The following BSDC1 variants were observed in gnomAD, a reference collection of about 807,000 sequenced individuals.
BSDC1 encodes the protein BSD domain-containing protein 1.
In BSDC1, 29 loss-of-function variants were observed where a neutral mutation model predicts 56.0. The observed-to-expected ratio is 0.52, with a 90% CI of 0.39 to 0.71. BSDC1 has a LOEUF of 0.71. BSDC1 is among the 30% of genes least tolerant of loss of function. BSDC1 has a pLI of 0.00. For synonymous variants in BSDC1, 210 were observed against 215.3 expected (o/e 0.98, Z 0.21); for missense variants, 477 against 548.5 (o/e 0.87, Z 1.30).
At chr1:32,386,983 C>T in intron 2 of BSDC1, 88 bp from the exon 3 acceptor site, 1 of 999,370 alleles carries the variant, frequency 1.0e-6, no homozygotes, top group Non-Finnish European at 1.5e-6. Flanking sequence ...ACCAGACAGA[C>T]AAATGGAAAT....
chr1:32,389,784 CCACACACA>C (rs58560406), intron 2 of BSDC1, among the ~76,000 whole-genome samples: 2,053 of 146,082 alleles, frequency 0.014, 47 homozygotes, highest in African/African-American at 0.048. Flanking sequence ...AAAACCGTCT[CCACACACA>C]CACACACACA....
At position 32,394,212 on chromosome 1, in the gene BSDC1, C is replaced by G. The variant is rs999139039; in HGVS notation, c.12-72G>C. On this transcript the variant is annotated intron_variant, in intron 1 of 10. Transcript: ENST00000455895. ...CCGCCCAAGGATCCGGTTTGTTCCC[C>G]GCTCAGATGTACCCTGCGGGCCGAG... The G allele has an allele frequency of 4.1e-5, 64 of 1,575,524 alleles. 1 individual carries two copies. Among genetic ancestry groups the G allele is most frequent in the Non-Finnish European group, 5.3e-5 (61 of 1,156,516 alleles).
At chr1:32,386,948 T>A (rs1303704825) in intron 2 of BSDC1, 53 bp from the exon 3 acceptor site, 2 of 1,408,974 alleles carry the variant, frequency 1.4e-6, no homozygotes, top group Non-Finnish European at 2.0e-6. Flanking sequence ...CCACCCCTTG[T>A]TCCTGTTCCC....
chr1:32,390,173 G>T (rs1323185605), intron 2 of BSDC1, among the ~76,000 whole-genome samples: 2 of 152,142 alleles, frequency 1.3e-5, no homozygotes, highest in Non-Finnish European at 2.9e-5. Flanking sequence ...GGTTTGAAGT[G>T]GGTGGGACAT....
chr1:32,376,140 T>C, intron 9 of BSDC1, 122 bp downstream of exon 9: 1 of 1,110,706 alleles, frequency 9.0e-7, no homozygotes, highest in Non-Finnish European at 1.2e-6. Flanking sequence ...GCAGCTGTCA[T>C]CATTATCAGA....
chr1:32,370,221 G>A (rs1291351012), intron 9 of BSDC1, among the ~76,000 whole-genome samples: 2 of 152,130 alleles, frequency 1.3e-5, no homozygotes, highest in African/African-American at 2.4e-5. Flanking sequence ...TAGGTGATCC[G>A]CCTGCTTTGA....
At position 32,386,867 on chromosome 1, in the gene BSDC1, C is replaced by T. The variant is rs778410313; in HGVS notation, c.101G>A (p.Arg34Gln). 16 of 1,612,116 alleles carry T rather than the reference C, an allele frequency of 9.9e-6. No homozygotes were observed. In the East Asian group the frequency reaches 1.1e-4, roughly 11 times the overall value. ...CACCTGGGTAAACTCCGTCAGGTCC[C>T]GCTTCATAAACTCCAAGGCTTCAGA... ...KSSEALEFMK[R>Q]DLTEFTQVVQ... is the part of the protein sequence containing the mutation. The change falls in exon 3 of 11, where the codon CGG becomes CAG. Residue 34 changes from arginine to glutamine, a missense_variant. Physicochemically the swap from Arg to Gln is conservative, Grantham distance 43. Coordinates refer to ENST00000455895, the MANE Select transcript of BSDC1 (RefSeq NM_018045.8).
chr1:32,382,697 CAA>C (rs74997036), intron 4 of BSDC1, among the ~76,000 whole-genome samples: 18 of 84,352 alleles, frequency 2.1e-4, no homozygotes, highest in Non-Finnish European at 1.3e-4. Context: ...CTCATCGCTA[CAA>C]AAAAAAAAAA....
rs1160518578 is a variant in BSDC1, at chr1:32,378,782, C to A, written c.470G>T (p.Gly157Val). 1 of 1,552,676 alleles carries A rather than the reference C, an allele frequency of 6.4e-7. No homozygotes were observed. The highest frequency in any genetic ancestry group is 2.4e-5 in the East Asian group (1 of 41,136). Residue 157 changes from glycine (G) to valine (V), a missense_variant, in exon 6 of 11, where the codon GGG (glycine) becomes GTG (valine). Gly to Val is a moderately radical substitution (Grantham distance 109). Transcript: ENST00000455895. The surrounding 1 kb of genome is among the most constrained non-coding windows in gnomAD (Gnocchi z 5.2). ...GCCTACAAGGAGCTCTGAGATCTCC[C>A]CCTTCTTCTCCTCCAAGCAGAACTG... ...LSQFCLEEKKGEISELLVGSP... is the reference protein window; with the variant it reads ...LSQFCLEEKKVEISELLVGSP...
At position 32,381,795 on chromosome 1, in the gene BSDC1, G is replaced by A. The variant is rs77987146; in HGVS notation, c.358-527C>T. On this transcript the variant is annotated intron_variant, in intron 4 of 10. Coordinates refer to ENST00000455895, the MANE Select transcript of BSDC1 (RefSeq NM_018045.8). ...CAGGAAGCATGGGCTATGTGTAAGC[G>A]GTCTGGTGATAATTCACTGTCGTTA... is the stretch of plus-strand genomic sequence containing the variant. 3.6e-3 allele frequency among the ~76,000 whole-genome samples: 554 copies of A among 152,282 alleles called. 2 individuals are homozygous for A. The highest frequency in any genetic ancestry group is 0.011 in the South Asian group (54 of 4,828).
intron 9 of BSDC1, among the ~76,000 whole-genome samples, chr1:32,373,283 G>A (rs934649328): frequency 6.6e-6 from 1 of 152,158 alleles, no homozygotes. Context: ...CACAGGCCCT[G>A]AGGGCAGCAG....
chr1:32,387,598 C>A (rs1264453187), intron 2 of BSDC1, among the ~76,000 whole-genome samples: 1 of 152,172 alleles, frequency 6.6e-6, no homozygotes, highest in African/African-American at 2.4e-5. Flanking sequence ...ACCTTGGCCT[C>A]CCAAAGTGTT....
At position 32,378,792 on chromosome 1, in the gene BSDC1, C is replaced by T; in HGVS notation, c.460G>A (p.Glu154Lys). 6.4e-7 allele frequency: 1 copy of T among 1,552,362 alleles called. No individual in the cohort carries two copies. Among genetic ancestry groups the T allele is most frequent in the South Asian group, 1.2e-5 (1 of 83,282 alleles). The stretch of plus-strand genomic sequence containing the variant: ...AGCTCTGAGATCTCCCCCTTCTTCT[C>T]CTCCAAGCAGAACTGGGAAAGCCAG... Reference protein sequence around the residue: ...DAWLSQFCLEEKKGEISELLV... With the variant: ...DAWLSQFCLEKKKGEISELLV... The change falls in exon 6 of 11, where the codon GAG becomes AAG. Residue 154 changes from glutamate (E) to lysine (K), a missense_variant. Transcript: ENST00000455895. This position sits in a 1 kb window ranked among gnomAD's most constrained non-coding sequence, Gnocchi z 5.2.
At chr1:32,384,919 T>C (rs926926032) in intron 3 of BSDC1, among the ~76,000 whole-genome samples, 10 of 152,190 alleles carry the variant, frequency 6.6e-5, no homozygotes, top group Non-Finnish European at 1.5e-4. Flanking sequence ...ACTAGACTTA[T>C]AGCAGTTTAG....
intron 4 of BSDC1, among the ~76,000 whole-genome samples, chr1:32,382,720 G>A (rs1417167017): frequency 6.7e-6 from 1 of 149,968 alleles, no homozygotes; most frequent in African/African-American, 2.5e-5. Flanking sequence ...AAAAGGCCAG[G>A]TGTGGTGGTG....
intron 3 of BSDC1, among the ~76,000 whole-genome samples, chr1:32,385,140 T>C (rs112647566): frequency 3.3e-5 from 5 of 152,290 alleles, no homozygotes; most frequent in African/African-American, 1.2e-4. Flanking sequence ...AAAATTGTAA[T>C]ATAAAAAACA....
intron 2 of BSDC1, chr1:32,393,726 G>T (rs796930555): frequency 6.7e-6 from 2 of 298,438 alleles, no homozygotes; most frequent in African/African-American, 4.3e-5. Context: ...GACTATACGA[G>T]TAAGTTTTTT....
rs1346828746 is a variant in BSDC1 at position 32,369,200 on chromosome 1, C to T, written c.1157-650G>A. ...GAGGTTAGGCTGGAGAAGAACTTCA[C>T]ATCCATGCCAAACAGCCTTAAACTA... On this transcript the variant is annotated intron_variant, in intron 9 of 10. Coordinates refer to ENST00000455895, the MANE Select transcript of BSDC1 (RefSeq NM_018045.8). The T allele has an allele frequency of 2.5e-6, 3 of 1,190,938 alleles. No homozygotes were observed. The South Asian group carries it at 3.8e-5, about 15-fold the overall frequency. The allele number at this position is 1,190,938 out of a possible 1,614,324, so 73.8% of individuals were successfully genotyped here.
At position 32,378,215 on chromosome 1, in the gene BSDC1, C is replaced by G; in HGVS notation, c.597G>C (p.Gln199His). The stretch of plus-strand genomic sequence containing the variant: ...ACCTCCCCATGCTAGACCAGCATAC[C>G]TGCTCTAACTGATGGACTTTATAGA... ...RYFYKVHQLE[Q>H]EQARRDALKQ... Residue 199 changes from glutamine to histidine, a missense_variant and splice_region_variant, in exon 7 of 11, where the codon CAG becomes CAC. Physicochemically the swap from Gln to His is conservative, Grantham distance 24 (BLOSUM62 0). Transcript: ENST00000455895. This position sits in a 1 kb window ranked among gnomAD's most constrained non-coding sequence, Gnocchi z 5.2. 6.2e-7 allele frequency: 1 copy of G among 1,614,212 alleles called. No homozygotes were observed. The highest frequency in any genetic ancestry group is 8.5e-7 in the Non-Finnish European group (1 of 1,180,022).
Sources: gnomAD v4.1 joint callset for allele counts (sites outside exome capture counted in the v4.1 genomes callset) on GRCh38, gnomAD v4.1.1 for gene constraint, Gnocchi (gnomAD v3.1) non-coding constraint, MANE v1.5 for transcripts, NCBI Gene and HGNC (gene_info 2026-07-23, HGNC 2026-07-21) for gene names.